Variants in NSMCE1 observed in about 807,000 individuals in gnomAD.
NSMCE1 encodes NSE1 component of SMC5/6 complex, also known as non-structural maintenance of chromosomes element 1 homolog.
NSMCE1 carries 18 observed loss-of-function variants against 29.6 expected under a neutral mutation model. The observed-to-expected ratio is 0.61, with a 90% CI of 0.42 to 0.90. The LOEUF is 0.90. Among genes scored for constraint, NSMCE1 ranks in the 40% least tolerant of loss-of-function variants. The pLI, the probability that NSMCE1 is intolerant of heterozygous loss-of-function variation, is 0.00. For synonymous variants in NSMCE1, 124 were observed against 133.4 expected (o/e 0.93, Z 0.49); for missense variants, 314 against 343.6 (o/e 0.91, Z 0.68).
rs1555477411 is a variant in NSMCE1, at chr16:27,251,191, A to ATATATATATATATATAAAT, written c.136+6243_136+6244insATTTATATATATATATATA. 3.1e-4 allele frequency among the ~76,000 whole-genome samples: 10 copies of ATATATATATATATATAAAT among 32,324 alleles called. No homozygotes were observed. In the East Asian group the frequency reaches 9.6e-3, roughly 31 times the overall value. The allele number at this position is 32,324 out of a possible 152,430, so 21.2% of individuals were successfully genotyped here. On this transcript the variant is annotated intron_variant, in intron 2 of 7. Transcript: ENST00000361439. ...ATATATATATATATATATATATATA[A>ATATATATATATATATAAAT]ATATATATATATATATAAAACTCTG...
rs74016035 is a variant in NSMCE1 at position 27,227,314 on chromosome 16, C to T, written c.484-478G>A. 5.1e-3 allele frequency among the ~76,000 whole-genome samples: 782 copies of T among 152,358 alleles called. 10 individuals are homozygous for T. Among genetic ancestry groups the T allele is most frequent in the African/African-American group, 0.018 (751 of 41,574 alleles). On this transcript the variant is annotated intron_variant, in intron 5 of 7. Coordinates refer to ENST00000361439, the MANE Select transcript of NSMCE1 (RefSeq NM_145080.4). ...CTTCTGCCTCCAACTGCAGTAGGGA[C>T]CCTCAGAGATCACTTCCAGCCACAT...
intron 1 of NSMCE1, among the ~76,000 whole-genome samples, chr16:27,267,607 G>A (rs1481693611): frequency 1.3e-5 from 2 of 150,926 alleles, no homozygotes; most frequent in Non-Finnish European, 2.9e-5. Context: ...GAATACTAGT[G>A]GATGATCGGA....
intron 5 of NSMCE1, among the ~76,000 whole-genome samples, chr16:27,229,584 A>T (rs540669852): frequency 9.1e-4 from 138 of 152,138 alleles, no homozygotes; most frequent in African/African-American, 3.2e-3. Context: ...TTTTTTATTT[A>T]TTTATTTGAG....
intron 1 of NSMCE1, among the ~76,000 whole-genome samples, chr16:27,264,243 T>C (rs981171175): frequency 1.3e-5 from 2 of 152,128 alleles, no homozygotes; most frequent in Non-Finnish European, 2.9e-5. Context: ...CATGATGGTA[T>C]GCACCTGTAG....
chr16:27,257,169 G>T (rs1001706766), intron 2 of NSMCE1, among the ~76,000 whole-genome samples: 10 of 152,140 alleles, frequency 6.6e-5, no homozygotes, highest in South Asian at 2.1e-4. Context: ...TGAGGCTGGG[G>T]CAGGTCCTGG....
intron 2 of NSMCE1, among the ~76,000 whole-genome samples, chr16:27,252,499 C>A (rs1369390977): frequency 6.6e-6 from 1 of 152,172 alleles, no homozygotes; most frequent in Non-Finnish European, 1.5e-5. Context: ...AAACCTGAAA[C>A]TGGGCTGGGT....
intron 2 of NSMCE1, among the ~76,000 whole-genome samples, chr16:27,254,820 C>A (rs531038626): frequency 1.9e-4 from 28 of 145,364 alleles, no homozygotes; most frequent in African/African-American, 5.1e-4. Flanking sequence ...CGTTCTTATG[C>A]ACATTTCTGG....
chr16:27,233,176 T>C (rs555424019), intron 4 of NSMCE1, 29 bp from the exon 5 acceptor site: 2 of 1,596,164 alleles, frequency 1.3e-6, no homozygotes, highest in South Asian at 2.3e-5. Context: ...ATCATGCTCA[T>C]CTATTAAAAT....
At chr16:27,243,764 C>G (rs1467560206) in intron 2 of NSMCE1, among the ~76,000 whole-genome samples, 1 of 152,198 alleles carries the variant, frequency 6.6e-6, no homozygotes, top group African/African-American at 2.4e-5. Flanking sequence ...GATCCCCCCA[C>G]CTCAGTCTCC....
intron 2 of NSMCE1, among the ~76,000 whole-genome samples, chr16:27,251,189 T>TATATATATATATATATATAA (rs1459861130): frequency 0.017 from 1,003 of 58,478 alleles, 24 homozygotes; most frequent in East Asian, 0.023. Flanking sequence ...TATATATATA[T>TATATATATATATATATATAA]AAATATATAT....
In NSMCE1 at chr16:27,257,042, A is replaced by G. The variant is rs1025548237; in HGVS notation, c.136+393T>C. 5.3e-5 allele frequency among the ~76,000 whole-genome samples: 8 copies of G among 152,178 alleles called. No individual in the cohort carries two copies. In the South Asian group the frequency reaches 1.7e-3, roughly 32 times the overall value. The stretch of plus-strand genomic sequence containing the variant: ...GCTGCCCTGTGTCCATCAATACCCC[A>G]CTAGGCACTGTCTCTGCGCCACTGT... On this transcript the variant is annotated intron_variant, in intron 2 of 7. Transcript: ENST00000361439.
chr16:27,257,827 C>T (rs572124708), intron 1 of NSMCE1, among the ~76,000 whole-genome samples: 15 of 152,202 alleles, frequency 9.9e-5, no homozygotes, highest in South Asian at 4.2e-4. Flanking sequence ...ACTTACTAGG[C>T]GTGTGAGATT....
intron 2 of NSMCE1, among the ~76,000 whole-genome samples, chr16:27,246,820 ACCT>A (rs1375729547): frequency 6.6e-6 from 1 of 151,984 alleles, no homozygotes; most frequent in African/African-American, 2.4e-5. Flanking sequence ...GTCTCTAAGT[ACCT>A]CCCTGCAATA....
At chr16:27,244,143 A>G (rs2083924944) in intron 2 of NSMCE1, among the ~76,000 whole-genome samples, 1 of 152,124 alleles carries the variant, frequency 6.6e-6, no homozygotes, top group South Asian at 2.1e-4. Flanking sequence ...GCTAAACCCA[A>G]GTGGAGGCTG....
At chr16:27,263,813 G>A (rs1234711913) in intron 1 of NSMCE1, among the ~76,000 whole-genome samples, 1 of 152,108 alleles carries the variant, frequency 6.6e-6, no homozygotes, top group Non-Finnish European at 1.5e-5. Context: ...TATCTACTAA[G>A]TGACGTCTAC....
At chr16:27,228,300 C>T (rs2083724743) in intron 5 of NSMCE1, among the ~76,000 whole-genome samples, 2 of 152,124 alleles carry the variant, frequency 1.3e-5, no homozygotes, top group African/African-American at 4.8e-5. Flanking sequence ...GAGGCCGGGG[C>T]ACCAGGTGCT....
At chr16:27,236,399 C>T (rs1350570059) in intron 2 of NSMCE1, among the ~76,000 whole-genome samples, 2 of 149,200 alleles carry the variant, frequency 1.3e-5, no homozygotes, top group Admixed American at 1.4e-4. Context: ...CGGGTTCAAG[C>T]AGTTCTCCTG....
intron 1 of NSMCE1, among the ~76,000 whole-genome samples, chr16:27,260,724 T>C (rs1352980285): frequency 6.6e-6 from 1 of 151,924 alleles, no homozygotes; most frequent in East Asian, 1.9e-4. Context: ...CTGGGCATAG[T>C]GGCACACCTC....
intron 2 of NSMCE1, among the ~76,000 whole-genome samples, chr16:27,235,982 G>C (rs2083819433): frequency 1.3e-5 from 2 of 152,238 alleles, no homozygotes; most frequent in South Asian, 2.1e-4. Context: ...CTGAGACGCA[G>C]AGAGGTGAAC....
Sources: allele counts gnomAD v4.1 joint callset (sites outside exome capture counted in the v4.1 genomes callset), GRCh38; gene constraint gnomAD v4.1.1; transcripts MANE v1.5; gene names NCBI Gene and HGNC (gene_info 2026-07-23, HGNC 2026-07-21).